EVA1A: variants seen among roughly 807,000 people sequenced by gnomAD.
EVA1A encodes the protein eva-1 homolog A, regulator of programmed cell death, also known as protein eva-1 homolog A.
In EVA1A, 7 loss-of-function variants were observed where a neutral mutation model predicts 9.8. The observed-to-expected ratio is 0.71, with a 90% CI of 0.41 to 1.34. The LOEUF is 1.34. Ranked by LOEUF, EVA1A falls within the 40% of genes most tolerant of loss-of-function variation. EVA1A has a pLI of 0.01. For missense variants in EVA1A, 206 were observed against 205.9 expected (o/e 1.00, Z 0.00); for synonymous variants, 90 against 85.6 (o/e 1.05, Z -0.28).
At chr2:75,567,625 T>A (rs1043301380) in intron 1 of EVA1A, among the ~76,000 whole-genome samples, 2 of 152,216 alleles carry the variant, frequency 1.3e-5, no homozygotes, top group African/African-American at 4.8e-5. Flanking sequence ...CCCGCATAGT[T>A]CATGCTTTTA....
At chr2:75,568,107 C>T (rs901220643) in intron 1 of EVA1A, among the ~76,000 whole-genome samples, 1 of 152,132 alleles carries the variant, frequency 6.6e-6, no homozygotes, top group African/African-American at 2.4e-5. Context: ...TCCCTGGGCA[C>T]ATGGGAAGTT....
intron 1 of EVA1A, among the ~76,000 whole-genome samples, chr2:75,544,035 C>G (rs1277812396): frequency 6.6e-6 from 1 of 152,020 alleles, no homozygotes; most frequent in Non-Finnish European, 1.5e-5. Flanking sequence ...AATCATAGAC[C>G]CCAGTGGTTT....
chr2:75,508,677 C>A (rs7607481), intron 3 of EVA1A, among the ~76,000 whole-genome samples: 28,231 of 151,846 alleles, frequency 0.19, 2,990 homozygotes, highest in African/African-American at 0.28. Context: ...CTGTGACCCA[C>A]ACCTATTTGC....
intron 1 of EVA1A, among the ~76,000 whole-genome samples, chr2:75,522,810 G>T (rs1016601175): frequency 1.3e-5 from 2 of 152,196 alleles, no homozygotes; most frequent in African/African-American, 4.8e-5. Flanking sequence ...TCCCAATCTG[G>T]CCCCTCATCA....
intron 1 of EVA1A, among the ~76,000 whole-genome samples, chr2:75,550,283 C>T (rs1366890125): frequency 6.6e-6 from 1 of 152,192 alleles, no homozygotes; most frequent in Non-Finnish European, 1.5e-5. Flanking sequence ...AAGGTCTAAA[C>T]AACTCTCTGT....
chr2:75,523,856 A>G (rs551089253), intron 1 of EVA1A, among the ~76,000 whole-genome samples: 3 of 152,308 alleles, frequency 2.0e-5, no homozygotes, highest in African/African-American at 7.2e-5. Context: ...CGGAACCTCT[A>G]TCTTACCTCT....
chr2:75,537,448 C>T (rs1675952137), intron 1 of EVA1A, among the ~76,000 whole-genome samples: 2 of 152,160 alleles, frequency 1.3e-5, no homozygotes, highest in Admixed American at 1.3e-4. Context: ...CAACACAACA[C>T]TGTAAGTTCT....
At chr2:75,503,313 C>T (rs903242416) in intron 3 of EVA1A, among the ~76,000 whole-genome samples, 1 of 152,216 alleles carries the variant, frequency 6.6e-6, no homozygotes, top group African/African-American at 2.4e-5. Flanking sequence ...CCACCCTGGT[C>T]TTGACCAGAT....
chr2:75,544,832 T>C (rs1473335328), intron 1 of EVA1A, among the ~76,000 whole-genome samples: 2 of 152,224 alleles, frequency 1.3e-5, no homozygotes, highest in Non-Finnish European at 2.9e-5. Context: ...TTCTAGATCA[T>C]TGAAATCAGA....
chr2:75,518,277 G>C (rs1220145126), intron 2 of EVA1A, 69 bp from the exon 3 acceptor site: 1 of 1,431,918 alleles, frequency 7.0e-7, no homozygotes, highest in Non-Finnish European at 9.2e-7. Flanking sequence ...CAGGTAGCCT[G>C]GACTCCTAAA....
intron 3 of EVA1A, among the ~76,000 whole-genome samples, chr2:75,495,515 G>A (rs1674179167): frequency 6.6e-6 from 1 of 152,154 alleles, no homozygotes; most frequent in Admixed American, 6.5e-5. Flanking sequence ...ATTAAGTTGT[G>A]TTTTCTATTT....
chr2:75,514,526 C>T (rs1237494219), intron 3 of EVA1A, among the ~76,000 whole-genome samples: 2 of 151,762 alleles, frequency 1.3e-5, no homozygotes, highest in Non-Finnish European at 2.9e-5. Context: ...GAAGTAATAT[C>T]AATGAATTGT....
At chr2:75,534,531 C>G (rs1043150408) in intron 1 of EVA1A, among the ~76,000 whole-genome samples, 1 of 149,102 alleles carries the variant, frequency 6.7e-6, no homozygotes, top group Non-Finnish European at 1.5e-5. Context: ...AACAAACAAA[C>G]AAAAAGCAGA....
upstream of EVA1A, among the ~76,000 whole-genome samples, chr2:75,564,548 A>G (rs1330430547): frequency 2.0e-5 from 3 of 152,342 alleles, no homozygotes; most frequent in East Asian, 5.8e-4. Flanking sequence ...CATCCAGTTC[A>G]TGGAAAAAGT....
intron 1 of EVA1A, among the ~76,000 whole-genome samples, chr2:75,527,549 G>A (rs1363350028): frequency 6.6e-6 from 1 of 152,232 alleles, no homozygotes; most frequent in African/African-American, 2.4e-5. Flanking sequence ...CAGCAGTAAG[G>A]AGGAGTCAAT....
At chr2:75,554,662 T>C (rs1365787713) in intron 1 of EVA1A, among the ~76,000 whole-genome samples, 1 of 152,204 alleles carries the variant, frequency 6.6e-6, no homozygotes, top group African/African-American at 2.4e-5. Flanking sequence ...ATTCCTCCTC[T>C]AATACAGACC....
intron 3 of EVA1A, among the ~76,000 whole-genome samples, chr2:75,511,559 T>C (rs1384588872): frequency 6.6e-6 from 1 of 152,168 alleles, no homozygotes; most frequent in Non-Finnish European, 1.5e-5. Context: ...TACCTGTGCA[T>C]GAAATGGAGG....
intron 3 of EVA1A, among the ~76,000 whole-genome samples, chr2:75,509,373 C>T (rs184718199): frequency 2.6e-5 from 4 of 152,232 alleles, no homozygotes; most frequent in Admixed American, 2.0e-4. Context: ...TTTTATCAGA[C>T]ATTTACTTTC....
At chr2:75,549,333 C>T (rs1383813543) in intron 1 of EVA1A, among the ~76,000 whole-genome samples, 1 of 152,162 alleles carries the variant, frequency 6.6e-6, no homozygotes, top group Non-Finnish European at 1.5e-5. Context: ...TTGTGCGGAG[C>T]CACACAGCAT....
Sources: gnomAD v4.1 joint callset for allele counts (sites outside exome capture counted in the v4.1 genomes callset) on GRCh38, gnomAD v4.1.1 for gene constraint, MANE v1.5 for transcripts, NCBI Gene and HGNC (gene_info 2026-07-23, HGNC 2026-07-21) for gene names.